Variants in PCCA observed in about 807,000 individuals in gnomAD.
PCCA encodes propionyl-CoA carboxylase alpha chain, mitochondrial.
In PCCA, 74 loss-of-function variants were observed where a neutral mutation model predicts 101.3. The ratio of observed to expected loss-of-function variants is 0.73; its 90% CI spans 0.61 to 0.89. The LOEUF (loss-of-function observed/expected upper bound fraction) is 0.89. Among genes scored for constraint, PCCA ranks in the 40% least tolerant of loss-of-function variants. The pLI is 0.00. For synonymous variants in PCCA, 294 were observed against 313.6 expected (o/e 0.94, Z 0.66); for missense variants, 891 against 907.0 (o/e 0.98, Z 0.23).
chr13:100,269,113 G>C (rs2063138746), intron 11 of PCCA, among the ~76,000 whole-genome samples: 1 of 152,188 alleles, frequency 6.6e-6, no homozygotes, highest in South Asian at 2.1e-4. Flanking sequence ...CTCCCGAAGT[G>C]CTGGGATTAT....
At chr13:100,304,232 A>C (rs1401387315) in intron 14 of PCCA, among the ~76,000 whole-genome samples, 1 of 152,234 alleles carries the variant, frequency 6.6e-6, no homozygotes, top group Non-Finnish European at 1.5e-5. Context: ...TGAGCCATCC[A>C]TAGAAAGAAA....
chr13:100,391,910 T>G (rs968882473), intron 19 of PCCA, among the ~76,000 whole-genome samples: 5 of 152,168 alleles, frequency 3.3e-5, no homozygotes, highest in Admixed American at 3.3e-4. Flanking sequence ...AATGAGAGGT[T>G]TTTTGGGTTA....
At chr13:100,521,980 C>T (rs907586877) in intron 22 of PCCA, among the ~76,000 whole-genome samples, 2 of 152,202 alleles carry the variant, frequency 1.3e-5, no homozygotes, top group African/African-American at 2.4e-5. Context: ...TTCCTCCCAC[C>T]CACCCTTCTT....
intron 11 of PCCA, 82 bp downstream of exon 11, chr13:100,268,865 G>T (rs557634474): frequency 2.0e-6 from 2 of 990,832 alleles, no homozygotes; most frequent in Non-Finnish European, 3.2e-6. Flanking sequence ...ATTCACTGAC[G>T]CATGCATTCA....
chr13:100,501,153 A>C (rs564361775), intron 21 of PCCA, among the ~76,000 whole-genome samples: 5 of 152,338 alleles, frequency 3.3e-5, no homozygotes, highest in Admixed American at 3.3e-4. Flanking sequence ...TCTTAAAAAA[A>C]AGAAAAAATG....
chr13:100,509,374 C>T (rs1168177919), intron 21 of PCCA, among the ~76,000 whole-genome samples: 1 of 152,192 alleles, frequency 6.6e-6, no homozygotes, highest in African/African-American at 2.4e-5. Flanking sequence ...TGAGCATGTA[C>T]TCAGGACACA....
intron 7 of PCCA, among the ~76,000 whole-genome samples, chr13:100,226,900 T>C (rs1015127318): frequency 6.6e-6 from 1 of 152,244 alleles, no homozygotes; most frequent in African/African-American, 2.4e-5. Context: ...ACTGTTATTA[T>C]GTCCATTTTA....
At chr13:100,114,808 C>G (rs1316912697) in intron 4 of PCCA, among the ~76,000 whole-genome samples, 2 of 152,168 alleles carry the variant, frequency 1.3e-5, no homozygotes, top group Non-Finnish European at 2.9e-5. Context: ...AGAAAGAACC[C>G]TCATATGCTG....
intron 6 of PCCA, among the ~76,000 whole-genome samples, chr13:100,198,851 A>G (rs972569147): frequency 5.9e-5 from 9 of 151,930 alleles, no homozygotes; most frequent in African/African-American, 1.9e-4. Flanking sequence ...ACCATGGTTC[A>G]CTTTGTACAA....
At chr13:100,526,430 C>T (rs1388423421) in intron 22 of PCCA, among the ~76,000 whole-genome samples, 1 of 152,238 alleles carries the variant, frequency 6.6e-6, no homozygotes, top group Non-Finnish European at 1.5e-5. Context: ...GAAGAAGCAG[C>T]CCACCACCTG....
intron 18 of PCCA, among the ~76,000 whole-genome samples, chr13:100,345,133 G>A (rs975675726): frequency 5.9e-5 from 9 of 152,188 alleles, no homozygotes; most frequent in Non-Finnish European, 1.3e-4. Flanking sequence ...GCCTCTAAGT[G>A]TTCAAGTGAA....
intron 8 of PCCA, among the ~76,000 whole-genome samples, chr13:100,239,282 C>G (rs1279379972): frequency 6.6e-6 from 1 of 151,898 alleles, no homozygotes; most frequent in Non-Finnish European, 1.5e-5. Flanking sequence ...AGTGGTGGAC[C>G]CTGGTTTAAA....
intron 19 of PCCA, among the ~76,000 whole-genome samples, chr13:100,413,510 A>C (rs1285224567): frequency 6.6e-6 from 1 of 152,226 alleles, no homozygotes; most frequent in Non-Finnish European, 1.5e-5. Context: ...AAAAGTAGGC[A>C]TGCTTGGAAA....
At chr13:100,167,246 C>T (rs534555836) in intron 6 of PCCA, among the ~76,000 whole-genome samples, 2 of 151,838 alleles carry the variant, frequency 1.3e-5, no homozygotes, top group Non-Finnish European at 2.9e-5. Context: ...TAGTTTGAAC[C>T]TTTTGAGTCT....
chr13:100,305,779 A>G, intron 14 of PCCA: 1 of 436,428 alleles, frequency 2.3e-6, no homozygotes, highest in Non-Finnish European at 4.7e-6. Flanking sequence ...ATTTCATAGA[A>G]CATCAGTTTA....
chr13:100,423,851 C>T (rs1364986704), intron 19 of PCCA, among the ~76,000 whole-genome samples: 1 of 152,200 alleles, frequency 6.6e-6, no homozygotes, highest in Non-Finnish European at 1.5e-5. Flanking sequence ...TGCCTCGCGG[C>T]GCTGGCATGG....
chr13:100,507,059 G>A (rs2086138499), intron 21 of PCCA, among the ~76,000 whole-genome samples: 1 of 152,064 alleles, frequency 6.6e-6, no homozygotes, highest in Non-Finnish European at 1.5e-5. Flanking sequence ...ACAGGTGTTG[G>A]TATTGTTATA....
At position 100,323,044 on chromosome 13, in the gene PCCA, A is replaced by G. The variant is rs755961492; in HGVS notation, c.1430-7517A>G. Among the ~76,000 whole-genome samples, 9 of 152,254 alleles carry G rather than the reference A, an allele frequency of 5.9e-5. No homozygotes were observed. The South Asian group carries it at 1.9e-3, about 32-fold the overall frequency. On this transcript the variant is annotated intron_variant, in intron 16 of 23. Coordinates refer to ENST00000376285, the MANE Select transcript of PCCA (RefSeq NM_000282.4). The stretch of plus-strand genomic sequence containing the variant: ...AGAATACATGTTGATGCATATAGAT[A>G]GGTTTGCTCAGATTAAAGGGCTAGA...
At chr13:100,382,337 T>TC (rs548405258) in intron 19 of PCCA, among the ~76,000 whole-genome samples, 16 of 152,264 alleles carry the variant, frequency 1.1e-4, no homozygotes, top group South Asian at 2.1e-4. Flanking sequence ...GTCCCTTCTC[T>TC]CCAACATTCA....
Sources: gnomAD v4.1 joint callset for allele counts (sites outside exome capture counted in the v4.1 genomes callset) on GRCh38, gnomAD v4.1.1 for gene constraint, MANE v1.5 for transcripts, NCBI Gene and HGNC (gene_info 2026-07-23, HGNC 2026-07-21) for gene names.